Variants in ARID3C observed in about 807,000 individuals in gnomAD.
The protein encoded by ARID3C is AT-rich interaction domain 3C.
Under a neutral mutation model 37.9 loss-of-function variants are expected in ARID3C, and 42 were observed. That is an observed-to-expected ratio of 1.11 (90% CI 0.87 to 1.43). The LOEUF (loss-of-function observed/expected upper bound fraction) is 1.43, where lower values mean the gene tolerates loss of function less well. ARID3C is among the 40% of genes most tolerant of loss of function. The pLI is 0.00. For synonymous variants in ARID3C, 213 were observed against 228.0 expected, an observed-to-expected ratio of 0.93 and a Z score of 0.59; for missense variants, 581 against 548.8, an observed-to-expected ratio of 1.06 and a Z score of -0.59.
chr9:34,628,534 G>A (rs1820689138), upstream of ARID3C, among the ~76,000 whole-genome samples: 3 of 152,036 alleles, frequency 2.0e-5, no homozygotes, highest in Admixed American at 2.0e-4. The surrounding 1 kb of genome is among the most constrained non-coding windows in gnomAD (Gnocchi z 5.2). Context: ...TAGAATATTG[G>A]GTAGAGAGAC....
chr9:34,629,399 C>T (rs959203031), upstream of ARID3C, among the ~76,000 whole-genome samples: 4 of 152,256 alleles, frequency 2.6e-5, no homozygotes, highest in Non-Finnish European at 5.9e-5. Context: ...GCTTCCCAGT[C>T]TCACACGTTC....
intron 6 of ARID3C, 117 bp from the exon 8 acceptor site, chr9:34,621,675 C>A (rs1820564352): frequency 1.3e-6 from 1 of 761,114 alleles, no homozygotes; most frequent in Non-Finnish European, 2.1e-6. Flanking sequence ...TACACACGTA[C>A]CCCTGCCACA....
upstream of ARID3C, among the ~76,000 whole-genome samples, chr9:34,629,104 A>G (rs1297577345): frequency 1.3e-5 from 2 of 151,352 alleles, no homozygotes; most frequent in African/African-American, 4.8e-5. Flanking sequence ...CGAGCGGGGC[A>G]GGGCGGGCGG....
At chr9:34,625,721 C>T in intron 2 of ARID3C, 21 bp downstream of exon 3, 1 of 1,613,568 alleles carries the variant, frequency 6.2e-7, no homozygotes, top group Non-Finnish European at 8.5e-7. Flanking sequence ...CAGGGCCCTT[C>T]CCCCACATCA....
intron 1 of ARID3C, among the ~76,000 whole-genome samples, chr9:34,626,601 T>G (rs545800584): frequency 3.9e-5 from 6 of 152,256 alleles, no homozygotes; most frequent in African/African-American, 1.4e-4. Context: ...CACCTATAGA[T>G]AATATTCCAT....
At chr9:34,623,124 C>T (rs1350084260) in intron 4 of ARID3C, among the ~76,000 whole-genome samples, 1 of 134,256 alleles carries the variant, frequency 7.4e-6, no homozygotes, top group Non-Finnish European at 1.5e-5. Context: ...CCAGCCTGGG[C>T]GACGGAACGA....
intron 4 of ARID3C, 33 bp downstream of exon 5, chr9:34,623,392 G>A (rs2132310667): frequency 6.8e-7 from 1 of 1,473,230 alleles, no homozygotes; most frequent in Non-Finnish European, 9.0e-7. Flanking sequence ...AAACCTCAGA[G>A]ACCCCGAAAC....
chr9:34,632,708 G>A (rs1425797641), upstream of ARID3C, among the ~76,000 whole-genome samples: 1 of 152,190 alleles, frequency 6.6e-6, no homozygotes, highest in Non-Finnish European at 1.5e-5. Flanking sequence ...AAACAGATGT[G>A]TCCAAAATGA....
upstream of ARID3C, among the ~76,000 whole-genome samples, chr9:34,629,984 A>G (rs894800449): frequency 1.3e-5 from 2 of 151,986 alleles, no homozygotes; most frequent in African/African-American, 4.8e-5. Context: ...GCTGGTCTCG[A>G]ACTCCTGACC....
At chr9:34,626,242 T>A (rs1269962162) in intron 1 of ARID3C, among the ~76,000 whole-genome samples, 2 of 152,122 alleles carry the variant, frequency 1.3e-5, no homozygotes, top group African/African-American at 4.8e-5. Flanking sequence ...GACTTCATGG[T>A]GTTCACATCC....
At chr9:34,627,751 G>T in exon 1 of ARID3C, 1 of 1,614,122 alleles carries the variant, frequency 6.2e-7, no homozygotes, top group Non-Finnish European at 8.5e-7. Flanking sequence ...CAGGGGGCTG[G>T]CTAGAAGGCG....
chr9:34,628,984 C>A (rs1211706936), upstream of ARID3C, among the ~76,000 whole-genome samples: 2 of 151,942 alleles, frequency 1.3e-5, no homozygotes, highest in Non-Finnish European at 2.9e-5. This position sits in a 1 kb window ranked among gnomAD's most constrained non-coding sequence, Gnocchi z 5.2. Context: ...GCCTCCCAGG[C>A]GGCCCTGGCC....
chr9:34,622,336 C>T lies in ARID3C; in HGVS notation c.1048+11G>A, dbSNP rs939335641. On this transcript the variant is annotated intron_variant, in intron 5 of 6. Coordinates refer to ENST00000378909, the Ensembl canonical transcript of ARID3C. ...AGTCCCGAAGCCCCCTCACAACAAGCCCCTCCTCACCCCTCAGGGGAACCT... is the reference window on the plus strand; with the variant it reads ...AGTCCCGAAGCCCCCTCACAACAAGTCCCTCCTCACCCCTCAGGGGAACCT... The T allele has an allele frequency of 6.3e-7, 1 of 1,596,236 alleles. No individual in the cohort carries two copies. Among genetic ancestry groups the T allele is most frequent in the African/African-American group, 1.3e-5 (1 of 74,464 alleles).
At chr9:34,631,000 T>C (rs1235063239), upstream of ARID3C, among the ~76,000 whole-genome samples, 2 of 152,050 alleles carry the variant, frequency 1.3e-5, no homozygotes, top group Non-Finnish European at 2.9e-5. Context: ...GAGGGGAGAA[T>C]CAGTGAATGT....
intron 2 of ARID3C, 111 bp from the exon 4 acceptor site, chr9:34,624,158 T>C: frequency 2.3e-6 from 3 of 1,316,512 alleles, no homozygotes; most frequent in Middle Eastern, 2.6e-4. Context: ...AGAGGGAGAC[T>C]TGGGCGGAGC....
At position 34,622,466 on chromosome 9, in the gene ARID3C, C is replaced by T. The variant is rs12337871; in HGVS notation, c.929G>A (p.Arg310Gln). The T allele has an allele frequency of 0.012, 18,754 of 1,613,962 alleles. 1,858 individuals are homozygous for T. The African/African-American group carries it at 0.21, about 18-fold the overall frequency. Residue 310 changes from arginine (R) to glutamine (Q), a missense_variant, in exon 5 of 7, where the codon CGG (arginine) becomes CAG (glutamine). Physicochemically the swap from Arg to Gln is conservative, Grantham distance 43. Transcript: ENST00000378909. Reference sequence around the variant, plus strand: ...GGGCTCCTCTGGTGCCAATTTCTCCCGTGTAGGTCCCAGTGCCAGGCCCAC... The same window carrying T: ...GGGCTCCTCTGGTGCCAATTTCTCCTGTGTAGGTCCCAGTGCCAGGCCCAC...
Position 34,624,049 on chromosome 9 carries a change from T to G in ARID3C, c.392-2A>C, listed in dbSNP as rs1401883655. The G allele has an allele frequency of 1.3e-6, 2 of 1,580,610 alleles. No individual in the cohort carries two copies. Among genetic ancestry groups the G allele is most frequent in the East Asian group, 4.5e-5 (2 of 44,034 alleles). ...TGGGCACGCGGTTCACTGGCGTCCCTGGTGGGGAGCGGGCTGCCGTCAGGA... is the reference window on the plus strand; with the variant it reads ...TGGGCACGCGGTTCACTGGCGTCCCGGGTGGGGAGCGGGCTGCCGTCAGGA... On this transcript the variant is annotated splice_acceptor_variant, in intron 2 of 6. Coordinates refer to ENST00000378909, the Ensembl canonical transcript of ARID3C. LOFTEE classifies it high-confidence loss of function.
chr9:34,630,973 A>G (rs1283441742), upstream of ARID3C, among the ~76,000 whole-genome samples: 5 of 151,866 alleles, frequency 3.3e-5, no homozygotes, highest in African/African-American at 1.2e-4. Context: ...CCTCTGCCCA[A>G]CCCTCCCTGA....
intron 2 of ARID3C, among the ~76,000 whole-genome samples, chr9:34,625,051 T>G (rs1160311020): frequency 7.1e-6 from 1 of 141,356 alleles, no homozygotes; most frequent in Non-Finnish European, 1.5e-5. Context: ...GGCCAGCAGC[T>G]GCACTAAAGG....
Sources: gnomAD v4.1 joint callset for allele counts (sites outside exome capture counted in the v4.1 genomes callset) on GRCh38, gnomAD v4.1.1 for gene constraint, Gnocchi (gnomAD v3.1) non-coding constraint, MANE v1.5 for transcripts, NCBI Gene and HGNC (gene_info 2026-07-23, HGNC 2026-07-21) for gene names.